NETO1: variants seen among roughly 807,000 people sequenced by gnomAD.
NETO1 encodes the protein neuropilin and tolloid-like protein 1.
NETO1 carries 26 observed loss-of-function variants against 61.3 expected under a neutral mutation model. The ratio of observed to expected loss-of-function variants is 0.42; its 90% CI spans 0.31 to 0.59. The LOEUF (loss-of-function observed/expected upper bound fraction) is 0.59. Among genes scored for constraint, NETO1 ranks in the 20% least tolerant of loss-of-function variants. The pLI, the probability that NETO1 is intolerant of heterozygous loss-of-function variation, is 0.12. For missense variants in NETO1, 531 were observed against 662.8 expected (o/e 0.80, Z 2.18); for synonymous variants, 225 against 225.8 (o/e 1.00, Z 0.03).
At chr18:72,816,698 C>A (rs9966713) in intron 4 of NETO1, among the ~76,000 whole-genome samples, 5,568 of 152,264 alleles carry the variant, frequency 0.037, 348 homozygotes, top group African/African-American at 0.13. Context: ...GTCCCCACCC[C>A]ACTGTGGGCC....
intron 4 of NETO1, among the ~76,000 whole-genome samples, chr18:72,824,481 C>T (rs1337044141): frequency 6.6e-6 from 1 of 152,196 alleles, no homozygotes; most frequent in Non-Finnish European, 1.5e-5. Context: ...GGGAAATACT[C>T]ATTAACTGTT....
intron 4 of NETO1, among the ~76,000 whole-genome samples, chr18:72,845,741 A>G (rs970085961): frequency 2.0e-5 from 3 of 152,254 alleles, no homozygotes; most frequent in African/African-American, 7.2e-5. Flanking sequence ...TTTCTAGAAC[A>G]TGGTATAAAA....
At chr18:72,832,262 A>T (rs181952382) in intron 4 of NETO1, among the ~76,000 whole-genome samples, 3,137 of 152,302 alleles carry the variant, frequency 0.021, 54 homozygotes, top group Non-Finnish European at 0.034. Flanking sequence ...AAATTTATTT[A>T]AAAATTCCAC....
At chr18:72,793,333 T>A (rs1318691782) in intron 6 of NETO1, among the ~76,000 whole-genome samples, 1 of 152,172 alleles carries the variant, frequency 6.6e-6, no homozygotes, top group Non-Finnish European at 1.5e-5. Context: ...TGGCACAAAA[T>A]GACTCATCCT....
chr18:72,769,488 G>A (rs2071273472), intron 7 of NETO1, among the ~76,000 whole-genome samples: 2 of 152,078 alleles, frequency 1.3e-5, no homozygotes, highest in Admixed American at 6.6e-5. Context: ...AGAAAATAAT[G>A]TACATACTCT....
At chr18:72,775,155 G>A (rs2071504631) in intron 7 of NETO1, among the ~76,000 whole-genome samples, 1 of 152,206 alleles carries the variant, frequency 6.6e-6, no homozygotes, top group Admixed American at 6.5e-5. Flanking sequence ...ACCTATGGGA[G>A]CAAGCTGCAG....
At chr18:72,837,967 G>A (rs1462521321) in intron 4 of NETO1, among the ~76,000 whole-genome samples, 9 of 150,672 alleles carry the variant, frequency 6.0e-5, no homozygotes, top group African/African-American at 2.2e-4. Context: ...CCCTATGACA[G>A]GTATCTCTAC....
intron 3 of NETO1, among the ~76,000 whole-genome samples, chr18:72,860,033 A>G (rs1039211882): frequency 1.3e-5 from 2 of 152,140 alleles, no homozygotes; most frequent in Non-Finnish European, 2.9e-5. Flanking sequence ...TGGCAACTCT[A>G]TACAGCACCA....
intron 7 of NETO1, among the ~76,000 whole-genome samples, chr18:72,779,350 A>G (rs2071661696): frequency 6.6e-6 from 1 of 151,732 alleles, no homozygotes; most frequent in Non-Finnish European, 1.5e-5. Context: ...TATATTAGCC[A>G]TATATAAAAA....
chr18:72,820,308 A>C (rs999413955), intron 4 of NETO1, among the ~76,000 whole-genome samples: 8 of 152,242 alleles, frequency 5.3e-5, no homozygotes, highest in African/African-American at 1.9e-4. Context: ...AATGATTACA[A>C]TGTACACAGA....
chr18:72,783,792 T>C lies in NETO1; in HGVS notation c.754A>G (p.Ser252Gly). Reference protein sequence around the residue: ...SVEDLKAKFCSTVANDVMLRT... With the variant: ...SVEDLKAKFCGTVANDVMLRT... ...AGCATGACATCATTAGCCACAGTGCTACAGAACTTAGCTTTCAAATCCTCC... is the reference window on the plus strand; with the variant it reads ...AGCATGACATCATTAGCCACAGTGCCACAGAACTTAGCTTTCAAATCCTCC... The change falls in exon 7 of 11, where the codon AGC (serine) becomes GGC (glycine). Residue 252 changes from serine (S) to glycine (G), a missense_variant. By Grantham distance (56) the Ser-to-Gly change is moderately conservative. Transcript: ENST00000327305. 1.2e-6 allele frequency: 2 copies of C among 1,614,204 alleles called. No homozygotes were observed. The highest frequency in any genetic ancestry group is 2.2e-5 in the South Asian group (2 of 91,080).
At chr18:72,828,410 A>T (rs1276309379) in intron 4 of NETO1, among the ~76,000 whole-genome samples, 1 of 87,142 alleles carries the variant, frequency 1.1e-5, no homozygotes, top group Non-Finnish European at 2.6e-5. Flanking sequence ...TGGAGTTTGC[A>T]ATTATCAAAC....
At chr18:72,774,853 C>T (rs1005373103) in intron 7 of NETO1, among the ~76,000 whole-genome samples, 3 of 152,156 alleles carry the variant, frequency 2.0e-5, no homozygotes, top group Non-Finnish European at 2.9e-5. Flanking sequence ...GTAGACTAAA[C>T]ATTTTGTGTG....
At chr18:72,775,510 C>T (rs1210315746) in intron 7 of NETO1, among the ~76,000 whole-genome samples, 2 of 152,052 alleles carry the variant, frequency 1.3e-5, no homozygotes, top group African/African-American at 4.8e-5. Context: ...TACTTGAGAG[C>T]CATGTGAACG....
rs2074000268 is a variant in NETO1 at position 72,843,629 on chromosome 18, G to C, written c.469+15197C>G. Among the ~76,000 whole-genome samples the C allele has an allele frequency of 2.0e-5, 3 of 152,230 alleles. No homozygotes were observed. In the South Asian group the frequency reaches 6.2e-4, roughly 32 times the overall value. Reference sequence around the variant, plus strand: ...TGCCTTTCAGAAATAGACCAAGAAAGCTCCTTTTTTGGTAACCAGCCTCAG... The same window carrying C: ...TGCCTTTCAGAAATAGACCAAGAAACCTCCTTTTTTGGTAACCAGCCTCAG... On this transcript the variant is annotated intron_variant, in intron 4 of 10. Transcript: ENST00000327305.
Position 72,750,235 on chromosome 18 carries a change from T to G in NETO1, c.1368A>C (p.Thr456=). The G allele has an allele frequency of 6.2e-7, 1 of 1,614,110 alleles. No individual in the cohort carries two copies. Among genetic ancestry groups the G allele is most frequent in the East Asian group, 2.2e-5 (1 of 44,886 alleles). Residue 456 remains threonine, a synonymous_variant, in exon 9 of 11, where the codon ACA becomes ACC. Transcript: ENST00000327305. ...GTTTTCCTGGCTGTGTGGGCATCTC[T>G]GTCAAGATAGAAGCATCTCTTGTGC... ...NLSTRDASIL[T]EMPTQPGKPL...
intron 4 of NETO1, among the ~76,000 whole-genome samples, chr18:72,801,466 A>G (rs932468473): frequency 1.3e-5 from 2 of 152,176 alleles, no homozygotes; most frequent in Non-Finnish European, 2.9e-5. Context: ...ACAATGGCAC[A>G]CTACTATGAC....
At chr18:72,792,453 G>A (rs1476935264) in intron 6 of NETO1, among the ~76,000 whole-genome samples, 1 of 151,598 alleles carries the variant, frequency 6.6e-6, no homozygotes, top group African/African-American at 2.4e-5. Flanking sequence ...CAAAAACGGT[G>A]CGGAGGGGCT....
rs1264810993 is a variant in NETO1, at chr18:72,829,976, A to C, written c.469+28850T>G. Among the ~76,000 whole-genome samples the C allele has an allele frequency of 2.0e-5, 3 of 152,332 alleles. No homozygotes were observed. The East Asian group carries it at 5.8e-4, about 29-fold the overall frequency. ...AGTGTATCCACAGAGGAAAATAATAAACTTCACTCACAAAAAGAGACACAG... is the reference window on the plus strand; with the variant it reads ...AGTGTATCCACAGAGGAAAATAATACACTTCACTCACAAAAAGAGACACAG... On this transcript the variant is annotated intron_variant, in intron 4 of 10. Coordinates refer to ENST00000327305, the MANE Select transcript of NETO1 (RefSeq NM_138966.5).
Sources: allele counts gnomAD v4.1 joint callset (sites outside exome capture counted in the v4.1 genomes callset), GRCh38; gene constraint gnomAD v4.1.1; transcripts MANE v1.5; gene names NCBI Gene and HGNC (gene_info 2026-07-23, HGNC 2026-07-21).